The following NIPBL variants were observed in gnomAD, a reference collection of about 807,000 sequenced individuals.
NIPBL encodes NIPBL cohesin loading factor, also known as nipped-B-like protein.
In NIPBL, 19 loss-of-function variants were observed where a neutral mutation model predicts 321.8. The observed-to-expected ratio is 0.06, with a 90% CI of 0.04 to 0.09. NIPBL has a LOEUF of 0.09. Ranked by LOEUF, NIPBL falls within the 10% of genes least tolerant of loss-of-function variation. The probability of loss-of-function intolerance (pLI) is 1.00; values close to 1 mark genes in which losing one functional copy is unlikely to be tolerated. For synonymous variants in NIPBL, 1,106 were observed against 1,114.1 expected (o/e 0.99, Z 0.14); for missense variants, 2,210 against 3,327.0 (o/e 0.66, Z 8.26).
Position 36,877,034 on chromosome 5 carries a change from C to A in NIPBL, c.-224C>A. 1 of 361,924 alleles carries A rather than the reference C, an allele frequency of 2.8e-6. No individual in the cohort carries two copies. Among genetic ancestry groups the A allele is most frequent in the South Asian group, 1.4e-4 (1 of 7,180 alleles). The allele number at this position is 361,924 out of a possible 1,614,324, so 22.4% of individuals were successfully genotyped here. On this transcript the variant is annotated 5_prime_UTR_variant, in exon 1 of 47. Coordinates refer to ENST00000282516, the MANE Select transcript of NIPBL (RefSeq NM_133433.4). ...AAGAAGAAGCAACGATTTGTCTTCT[C>A]GGCTGGTCTCCCCCCGGCTCTACAT...
intron 14 of NIPBL, among the ~76,000 whole-genome samples, chr5:37,001,507 G>A (rs1746798396): frequency 6.6e-6 from 1 of 152,120 alleles, no homozygotes; most frequent in Non-Finnish European, 1.5e-5. Context: ...AGGTGAGGAG[G>A]CTTGAAAAGG....
intron 10 of NIPBL, 113 bp from the exon 11 acceptor site, chr5:36,995,509 A>G: frequency 2.8e-6 from 2 of 707,036 alleles, no homozygotes; most frequent in Non-Finnish European, 4.8e-6. Context: ...TTATTAAAAT[A>G]AACAGTTGAT....
intron 43 of NIPBL, among the ~76,000 whole-genome samples, chr5:37,058,049 G>A (rs1308762954): frequency 1.3e-5 from 2 of 152,076 alleles, no homozygotes; most frequent in Non-Finnish European, 2.9e-5. Flanking sequence ...TGCCTCCTGA[G>A]GGCTGGAATT....
chr5:36,995,447 A>G (rs1363396634), intron 10 of NIPBL, 175 bp from the exon 11 acceptor site: 3 of 578,012 alleles, frequency 5.2e-6, no homozygotes, highest in Admixed American at 3.0e-5. Flanking sequence ...GTACACATAC[A>G]TATATATTAA....
At chr5:36,987,884 T>C (rs568345697) in intron 10 of NIPBL, among the ~76,000 whole-genome samples, 1 of 152,280 alleles carries the variant, frequency 6.6e-6, no homozygotes, top group Admixed American at 6.5e-5. Flanking sequence ...AACACCACAA[T>C]TGTTTTCTTT....
chr5:36,981,195 A>G (rs1355379025), intron 9 of NIPBL, among the ~76,000 whole-genome samples: 1 of 151,736 alleles, frequency 6.6e-6, no homozygotes, highest in African/African-American at 2.4e-5. Context: ...GTTGCACTTT[A>G]GGATATGAGT....
intron 1 of NIPBL, among the ~76,000 whole-genome samples, chr5:36,949,468 G>C (rs180682643): frequency 3.0e-4 from 45 of 151,838 alleles, no homozygotes; most frequent in South Asian, 1.2e-3. Context: ...AAATAGAACT[G>C]TAATATTAGC....
chr5:36,892,412 A>G (rs1746402742), intron 1 of NIPBL, among the ~76,000 whole-genome samples: 1 of 152,176 alleles, frequency 6.6e-6, no homozygotes, highest in Non-Finnish European at 1.5e-5. Context: ...TAGAAATACC[A>G]TTTGACCCAG....
chr5:36,945,807 G>A (rs1195342493), intron 1 of NIPBL, among the ~76,000 whole-genome samples: 2 of 152,090 alleles, frequency 1.3e-5, no homozygotes, highest in East Asian at 1.9e-4. Flanking sequence ...ATCTTAAATA[G>A]CATGTGAAAA....
At chr5:36,906,820 T>C (rs957073448) in intron 1 of NIPBL, among the ~76,000 whole-genome samples, 1 of 152,202 alleles carries the variant, frequency 6.6e-6, no homozygotes, top group Non-Finnish European at 1.5e-5. Context: ...TCTAGAACTT[T>C]AATCTATATG....
intron 21 of NIPBL, among the ~76,000 whole-genome samples, chr5:37,010,789 A>G (rs1748028132): frequency 6.6e-6 from 1 of 152,218 alleles, no homozygotes; most frequent in Admixed American, 6.5e-5. Flanking sequence ...ATACTTATCA[A>G]AACTGCTATA....
intron 34 of NIPBL, among the ~76,000 whole-genome samples, chr5:37,044,059 G>T (rs1438837266): frequency 6.6e-6 from 1 of 152,134 alleles, no homozygotes; most frequent in Non-Finnish European, 1.5e-5. Context: ...CTGTCAATAT[G>T]TAAATACCTT....
At chr5:37,015,655 G>A (rs1397493678) in intron 22 of NIPBL, among the ~76,000 whole-genome samples, 7 of 152,054 alleles carry the variant, frequency 4.6e-5, no homozygotes, top group African/African-American at 1.2e-4. Context: ...GCTGGAACCC[G>A]GGAGGTGGAG....
At position 37,055,411 on chromosome 5, in the gene NIPBL, G is replaced by T. The variant is rs373758765; in HGVS notation, c.7264-1775G>T. ...AGAAAAGAAAAGAAAGTTGAGGAAA[G>T]AATTAAATGAGACTGTGTGAAAAGA... On this transcript the variant is annotated intron_variant, in intron 42 of 46. Coordinates refer to ENST00000282516, the MANE Select transcript of NIPBL (RefSeq NM_133433.4). Among the ~76,000 whole-genome samples, 10 of 148,668 alleles carry T rather than the reference G, an allele frequency of 6.7e-5. No homozygotes were observed. In the East Asian group the frequency reaches 1.8e-3, roughly 26 times the overall value.
At chr5:37,003,408 C>A in intron 16 of NIPBL, 61 bp downstream of exon 16, 1 of 906,826 alleles carries the variant, frequency 1.1e-6, no homozygotes, top group Non-Finnish European at 1.8e-6. Context: ...TATAGTAGTC[C>A]CCCACTTCTC....
intron 10 of NIPBL, among the ~76,000 whole-genome samples, chr5:36,992,951 C>A (rs1745719649): frequency 6.6e-6 from 1 of 152,050 alleles, no homozygotes; most frequent in Non-Finnish European, 1.5e-5. Context: ...CTGTGTTAGC[C>A]AGGATGGTCT....
chr5:37,032,329 A>G (rs1315571979), intron 32 of NIPBL, among the ~76,000 whole-genome samples: 1 of 151,938 alleles, frequency 6.6e-6, no homozygotes, highest in Non-Finnish European at 1.5e-5. Flanking sequence ...TTACCTTGAA[A>G]TGCATTGAAA....
chr5:36,921,616 T>A (rs1748946704), intron 1 of NIPBL, among the ~76,000 whole-genome samples: 1 of 152,124 alleles, frequency 6.6e-6, no homozygotes, highest in South Asian at 2.1e-4. Context: ...ACAAAAAAAA[T>A]AGGCAGGATT....
intron 11 of NIPBL, among the ~76,000 whole-genome samples, chr5:36,999,318 G>A (rs941148070): frequency 3.9e-5 from 6 of 152,154 alleles, no homozygotes; most frequent in Admixed American, 6.5e-5. Flanking sequence ...AGACTAGAAA[G>A]TTTATCATTG....
Sources: allele counts gnomAD v4.1 joint callset (sites outside exome capture counted in the v4.1 genomes callset), GRCh38; gene constraint gnomAD v4.1.1; transcripts MANE v1.5; gene names NCBI Gene and HGNC (gene_info 2026-07-23, HGNC 2026-07-21).